NELL1: variants seen among roughly 807,000 people sequenced by gnomAD.
NELL1 encodes protein kinase C-binding protein NELL1.
Under a neutral mutation model 107.4 loss-of-function variants are expected in NELL1, and 76 were observed. The ratio of observed to expected loss-of-function variants is 0.71; its 90% CI spans 0.59 to 0.86. The LOEUF (loss-of-function observed/expected upper bound fraction) is 0.86. Ranked by LOEUF, NELL1 falls within the 40% of genes least tolerant of loss-of-function variation. The pLI, the probability that NELL1 is intolerant of heterozygous loss-of-function variation, is 0.00. For missense variants in NELL1, 1,024 were observed against 1,005.5 expected, an observed-to-expected ratio of 1.02 and a Z score of -0.25; for synonymous variants, 353 against 341.2, an observed-to-expected ratio of 1.03 and a Z score of -0.38.
chr11:21,020,525 G>T (rs1852673278), intron 12 of NELL1, among the ~76,000 whole-genome samples: 1 of 151,912 alleles, frequency 6.6e-6, no homozygotes, highest in African/African-American at 2.4e-5. Flanking sequence ...TTTTTGGAAG[G>T]TTAGTTTTTA....
chr11:21,561,029 C>T (rs116005090), intron 17 of NELL1, among the ~76,000 whole-genome samples: 1 of 152,184 alleles, frequency 6.6e-6, no homozygotes, highest in African/African-American at 2.4e-5. Flanking sequence ...GTCTATTAAA[C>T]TGTTTGATCT....
chr11:21,456,472 A>G (rs1028845079), intron 15 of NELL1, among the ~76,000 whole-genome samples: 4 of 152,050 alleles, frequency 2.6e-5, no homozygotes, highest in Non-Finnish European at 4.4e-5. Context: ...TCTGTTTTCT[A>G]TAGCCTAAAA....
rs77435865 is a variant in NELL1 at position 21,144,316 on chromosome 11, T to C, written c.1426+30602T>C. Among the ~76,000 whole-genome samples, 1,267 of 152,286 alleles carry C rather than the reference T, an allele frequency of 8.3e-3. 15 individuals are homozygous for C. Among genetic ancestry groups the C allele is most frequent in the African/African-American group, 0.029 (1,185 of 41,546 alleles). ...AGTTAGAAGTAAACCACTGTTTTTC[T>C]TACACATTTGTATCTAAGGACAGTT... On this transcript the variant is annotated intron_variant, in intron 13 of 19. Transcript: ENST00000357134.
At chr11:21,155,901 G>T (rs970081519) in intron 13 of NELL1, among the ~76,000 whole-genome samples, 3 of 152,146 alleles carry the variant, frequency 2.0e-5, no homozygotes, top group Non-Finnish European at 4.4e-5. Flanking sequence ...TATTAACAGC[G>T]CAGAGGCTGA....
chr11:21,249,639 T>C (rs967611895), intron 14 of NELL1, among the ~76,000 whole-genome samples: 3 of 152,198 alleles, frequency 2.0e-5, no homozygotes, highest in Non-Finnish European at 4.4e-5. Context: ...ATCTACGAAA[T>C]GGTGCAATTC....
rs1201441915 is a variant in NELL1, at chr11:20,885,476, C to T, written c.539C>T (p.Thr180Ile). 30 of 1,613,176 alleles carry T rather than the reference C, an allele frequency of 1.9e-5. No homozygotes were observed. In the Admixed American group the frequency reaches 4.8e-4, roughly 26 times the overall value. The change falls in exon 5 of 20, where the codon ACC becomes ATC. Residue 180 changes from threonine to isoleucine, a missense_variant. Coordinates refer to ENST00000357134, the MANE Select transcript of NELL1 (RefSeq NM_006157.5). ...GAGCGTGTGATAGACCCTCCAGATACCAACCTTCCCCCAGGAATCAATTTA... is the reference window on the plus strand; with the variant it reads ...GAGCGTGTGATAGACCCTCCAGATATCAACCTTCCCCCAGGAATCAATTTA... ...IYERVIDPPD[T>I]NLPPGINLWL...
chr11:20,674,332 T>A (rs1201234981), intron 1 of NELL1, among the ~76,000 whole-genome samples: 2 of 152,110 alleles, frequency 1.3e-5, no homozygotes, highest in Non-Finnish European at 2.9e-5. Context: ...CTGGTCTTAT[T>A]AAAGACAGAT....
chr11:21,019,893 C>T (rs1203433126), intron 12 of NELL1, among the ~76,000 whole-genome samples: 6 of 152,078 alleles, frequency 3.9e-5, no homozygotes, highest in African/African-American at 1.4e-4. Flanking sequence ...AAGCCCTGCA[C>T]TTACATCAAC....
intron 15 of NELL1, among the ~76,000 whole-genome samples, chr11:21,406,209 C>T (rs1008415445): frequency 3.9e-5 from 6 of 151,932 alleles, no homozygotes; most frequent in African/African-American, 1.4e-4. Context: ...CAATACTGGG[C>T]TGAATGATTT....
intron 12 of NELL1, among the ~76,000 whole-genome samples, chr11:21,096,685 A>G (rs1854650469): frequency 6.6e-6 from 1 of 152,096 alleles, no homozygotes; most frequent in Non-Finnish European, 1.5e-5. Flanking sequence ...TTTGGGGACT[A>G]CAATCATCTT....
chr11:21,283,572 TG>T, intron 14 of NELL1: 1 of 152,700 alleles, frequency 6.5e-6, no homozygotes, highest in Non-Finnish European at 1.5e-5. Context: ...CCAAAATAGT[TG>T]TATTTTCTAC....
At chr11:21,511,497 G>C (rs1306938422) in intron 15 of NELL1, among the ~76,000 whole-genome samples, 1 of 152,150 alleles carries the variant, frequency 6.6e-6, no homozygotes. Context: ...ACAGTGCAGT[G>C]AAGGAAGAGA....
intron 14 of NELL1, among the ~76,000 whole-genome samples, chr11:21,354,168 C>G (rs868730822): frequency 1.3e-5 from 2 of 152,008 alleles, no homozygotes; most frequent in African/African-American, 2.4e-5. Flanking sequence ...GAGATTTGTG[C>G]GAGGCTCCCC....
At chr11:21,294,031 C>T (rs966783152) in intron 14 of NELL1, among the ~76,000 whole-genome samples, 5 of 152,078 alleles carry the variant, frequency 3.3e-5, no homozygotes, top group African/African-American at 9.7e-5. Flanking sequence ...ACTTATGTAA[C>T]AAACTGGTAT....
chr11:20,878,129 G>A (rs1450575457), intron 4 of NELL1, among the ~76,000 whole-genome samples: 1 of 152,078 alleles, frequency 6.6e-6, no homozygotes, highest in African/African-American at 2.4e-5. Flanking sequence ...GGGAGGCTGA[G>A]GCGGGTGGAT....
At chr11:21,332,158 G>A (rs562598260) in intron 14 of NELL1, among the ~76,000 whole-genome samples, 31 of 152,056 alleles carry the variant, frequency 2.0e-4, no homozygotes, top group Non-Finnish European at 3.8e-4. Context: ...GCTTCCATAC[G>A]TTCTTGTCAT....
intron 2 of NELL1, among the ~76,000 whole-genome samples, chr11:20,767,719 T>TATTCATTCATTC (rs112687398): frequency 2.4e-4 from 36 of 150,826 alleles, no homozygotes; most frequent in African/African-American, 8.1e-4. Flanking sequence ...CAATATATCA[T>TATTCATTCATTC]ATTCATTCAT....
chr11:20,794,340 G>T (rs1857130241), intron 3 of NELL1, among the ~76,000 whole-genome samples: 1 of 152,128 alleles, frequency 6.6e-6, no homozygotes, highest in South Asian at 2.1e-4. Flanking sequence ...TCAAATAGGG[G>T]TTTCTCCAGG....
At chr11:21,100,445 C>G (rs904096319) in intron 12 of NELL1, among the ~76,000 whole-genome samples, 20 of 152,170 alleles carry the variant, frequency 1.3e-4, no homozygotes, top group Non-Finnish European at 2.2e-4. Flanking sequence ...CATTAAGCAT[C>G]GACTGTCCAA....
Sources: gnomAD v4.1 joint callset for allele counts (sites outside exome capture counted in the v4.1 genomes callset) on GRCh38, gnomAD v4.1.1 for gene constraint, MANE v1.5 for transcripts, NCBI Gene and HGNC (gene_info 2026-07-23, HGNC 2026-07-21) for gene names.